The following FHOD3 variants were observed in gnomAD, a reference collection of about 807,000 sequenced individuals.
FHOD3 encodes the protein FH1/FH2 domain-containing protein 3.
Under a neutral mutation model 173.0 loss-of-function variants are expected in FHOD3, and 90 were observed. The observed-to-expected ratio is 0.52, with a 90% CI of 0.44 to 0.62. The LOEUF (loss-of-function observed/expected upper bound fraction) is 0.62, where lower values mean the gene tolerates loss of function less well. FHOD3 is among the 20% of genes least tolerant of loss of function. The pLI, the probability that FHOD3 is intolerant of heterozygous loss-of-function variation, is 0.00. For synonymous variants in FHOD3, 828 were observed against 823.0 expected (o/e 1.01, Z -0.10); for missense variants, 1,945 against 2,034.7 (o/e 0.96, Z 0.85).
intron 20 of FHOD3, among the ~76,000 whole-genome samples, chr18:36,738,807 C>G (rs1332778739): frequency 2.6e-5 from 4 of 152,306 alleles, no homozygotes; most frequent in South Asian, 4.1e-4. Context: ...ATCCTTGTAC[C>G]AATGACACAT....
intron 5 of FHOD3, among the ~76,000 whole-genome samples, chr18:36,562,032 T>TGTA (rs1427842193): frequency 6.6e-6 from 1 of 151,660 alleles, no homozygotes; most frequent in South Asian, 2.1e-4. Context: ...TATTGTATTT[T>TGTA]TTGAGATGGA....
intron 2 of FHOD3, among the ~76,000 whole-genome samples, chr18:36,371,516 T>C (rs2047185685): frequency 6.6e-6 from 1 of 152,172 alleles, no homozygotes. Context: ...TGTGATTCAG[T>C]TACCTCCCAT....
In FHOD3 at chr18:36,740,832, A is replaced by G; in HGVS notation, c.3753A>G (p.Thr1251=). The G allele has an allele frequency of 6.2e-7, 1 of 1,608,902 alleles. No individual in the cohort carries two copies. The highest frequency in any genetic ancestry group is 8.5e-7 in the Non-Finnish European group (1 of 1,178,772). Residue 1251 remains threonine (T), a synonymous_variant, in exon 21 of 29, where the codon ACA becomes ACG. Coordinates refer to ENST00000590592, the MANE Select transcript of FHOD3 (RefSeq NM_001281740.3). ...LWAFKMDYET[T]EKEVAEPLLD... is the part of the protein sequence containing the mutation. ...CATTCAAAATGGATTATGAAACTACAGAAAAGGTAAGCTCTCTGTAAGAGA... is the reference window on the plus strand; with the variant it reads ...CATTCAAAATGGATTATGAAACTACGGAAAAGGTAAGCTCTCTGTAAGAGA...
At chr18:36,466,125 C>T (rs1256024492) in intron 3 of FHOD3, among the ~76,000 whole-genome samples, 1 of 152,178 alleles carries the variant, frequency 6.6e-6, no homozygotes, top group Non-Finnish European at 1.5e-5. Context: ...CTGCAGAGAG[C>T]TGCCCATACC....
intron 1 of FHOD3, 77 bp from the exon 2 acceptor site, chr18:36,355,462 G>A (rs1304933516): frequency 1.0e-5 from 12 of 1,175,866 alleles, no homozygotes; most frequent in Non-Finnish European, 1.5e-5. Flanking sequence ...ACACAGGAGG[G>A]CAACATGATG....
chr18:36,444,821 A>G (rs1025062481), intron 3 of FHOD3, among the ~76,000 whole-genome samples: 3 of 152,124 alleles, frequency 2.0e-5, no homozygotes, highest in Non-Finnish European at 4.4e-5. Context: ...CAGATGTATT[A>G]TAGTTTATTC....
intron 1 of FHOD3, among the ~76,000 whole-genome samples, chr18:36,307,580 C>T (rs1301893075): frequency 6.6e-6 from 1 of 152,190 alleles, no homozygotes; most frequent in East Asian, 1.9e-4. Context: ...TTTTATTACT[C>T]AGATCAGTAT....
chr18:36,743,731 C>T (rs2042019593), intron 22 of FHOD3, among the ~76,000 whole-genome samples: 1 of 152,098 alleles, frequency 6.6e-6, no homozygotes, highest in Admixed American at 6.6e-5. Context: ...CAACAACAGG[C>T]AAAGGGAGGA....
chr18:36,595,984 T>A (rs1008941766), intron 7 of FHOD3, among the ~76,000 whole-genome samples: 6 of 152,184 alleles, frequency 3.9e-5, no homozygotes, highest in African/African-American at 1.4e-4. Flanking sequence ...TCACCTCTAG[T>A]TTCAACAAAG....
At chr18:36,300,932 G>A (rs2091943895) in intron 1 of FHOD3, among the ~76,000 whole-genome samples, 1 of 152,002 alleles carries the variant, frequency 6.6e-6, no homozygotes, top group South Asian at 2.1e-4. Flanking sequence ...GTAGACATGG[G>A]GTTTCACCAT....
chr18:36,349,074 G>C (rs933470058), intron 1 of FHOD3, among the ~76,000 whole-genome samples: 1 of 152,202 alleles, frequency 6.6e-6, no homozygotes, highest in African/African-American at 2.4e-5. Flanking sequence ...AGTTTGGCCA[G>C]TTTCTCCTGG....
intron 1 of FHOD3, among the ~76,000 whole-genome samples, chr18:36,316,624 T>C (rs9951111): frequency 0.03 from 4,506 of 152,300 alleles, 220 homozygotes; most frequent in African/African-American, 0.1. Flanking sequence ...CTCAGAGTAA[T>C]CTGTAACTTG....
intron 20 of FHOD3, among the ~76,000 whole-genome samples, chr18:36,734,386 C>A (rs1434065257): frequency 2.0e-5 from 3 of 152,144 alleles, no homozygotes; most frequent in Non-Finnish European, 2.9e-5. Flanking sequence ...CTACCCTCCC[C>A]CCACAACCAA....
At chr18:36,433,435 T>G (rs1278072140) in intron 3 of FHOD3, among the ~76,000 whole-genome samples, 1 of 152,220 alleles carries the variant, frequency 6.6e-6, no homozygotes, top group Non-Finnish European at 1.5e-5. Flanking sequence ...CCAAACTCCC[T>G]GTGTGGAAAT....
At chr18:36,721,620 C>G (rs976949594) in intron 19 of FHOD3, among the ~76,000 whole-genome samples, 3 of 152,180 alleles carry the variant, frequency 2.0e-5, no homozygotes, top group African/African-American at 7.2e-5. Context: ...GCACTCCAGT[C>G]TGGGTGACAG....
In FHOD3 at chr18:36,601,810, C is replaced by T. The variant is rs1479484811; in HGVS notation, c.719-864C>T. On this transcript the variant is annotated intron_variant, in intron 7 of 28. Coordinates refer to ENST00000590592, the MANE Select transcript of FHOD3 (RefSeq NM_001281740.3). ...CTTCACTTCAAATATTCATCTTGGG[C>T]CTAGAAAACCATGTCAAGGTGTTAT... Among the ~76,000 whole-genome samples the T allele has an allele frequency of 3.3e-5, 5 of 152,302 alleles. No homozygotes were observed. The East Asian group carries it at 9.6e-4, about 29-fold the overall frequency.
chr18:36,487,927 G>T (rs1291274089), intron 3 of FHOD3, among the ~76,000 whole-genome samples: 1 of 152,160 alleles, frequency 6.6e-6, no homozygotes, highest in East Asian at 1.9e-4. Flanking sequence ...CTTAGGCTAG[G>T]TGTGAATTTG....
chr18:36,593,331 CAT>C (rs1444678752), intron 6 of FHOD3, among the ~76,000 whole-genome samples: 7 of 152,076 alleles, frequency 4.6e-5, no homozygotes, highest in African/African-American at 7.2e-5. Context: ...GAAGTTTCCT[CAT>C]ATAGGGGAGC....
At chr18:36,362,616 C>G (rs1440029894) in intron 2 of FHOD3, among the ~76,000 whole-genome samples, 2 of 152,030 alleles carry the variant, frequency 1.3e-5, no homozygotes, top group African/African-American at 4.8e-5. Context: ...AGGTCGTGTC[C>G]TGGAGGGCCA....
Sources: gnomAD v4.1 joint callset for allele counts (sites outside exome capture counted in the v4.1 genomes callset) on GRCh38, gnomAD v4.1.1 for gene constraint, MANE v1.5 for transcripts, NCBI Gene and HGNC (gene_info 2026-07-23, HGNC 2026-07-21) for gene names.